RAPGEF6: variants seen among roughly 807,000 people sequenced by gnomAD.
RAPGEF6 encodes the protein Rap guanine nucleotide exchange factor 6.
Under a neutral mutation model 171.4 loss-of-function variants are expected in RAPGEF6, and 56 were observed. The observed-to-expected ratio is 0.33, with a 90% CI of 0.26 to 0.41. RAPGEF6 has a LOEUF of 0.41. Among genes scored for constraint, RAPGEF6 ranks in the 10% least tolerant of loss-of-function variants. RAPGEF6 has a pLI of 1.00. For synonymous variants in RAPGEF6, 692 were observed against 650.1 expected (o/e 1.06, Z -0.98); for missense variants, 1,674 against 1,921.4 (o/e 0.87, Z 2.41).
In RAPGEF6 at chr5:131,489,661, AG is replaced by A. The variant is rs1561505795; in HGVS notation, c.1732-8del. 1 of 1,458,938 alleles carries A rather than the reference AG, an allele frequency of 6.9e-7. No individual in the cohort carries two copies. The highest frequency in any genetic ancestry group is 9.4e-7 in the Non-Finnish European group (1 of 1,060,366). The allele number at this position is 1,458,938 out of a possible 1,614,324, so 90.4% of individuals were successfully genotyped here. A position where few individuals can be genotyped will look rare whatever the true frequency, so the allele number is the denominator to read the frequency against. On this transcript the variant is annotated splice_polypyrimidine_tract_variant and splice_region_variant and intron_variant, in intron 14 of 27. Transcript: ENST00000509018. ...GTCCATTTACTTCCATAATCTTAAA[AG>A]TATTTAAAAAATACAAATTAATACA...
rs372478003 is a variant in RAPGEF6, at chr5:131,548,003, T to C, written c.495+44A>G. 10 of 1,590,570 alleles carry C rather than the reference T, an allele frequency of 6.3e-6. No individual in the cohort carries two copies. In the African/African-American group the frequency reaches 1.1e-4, roughly 17 times the overall value. ...ACATGTAAATTAAAGATACTAGATATGAAAATTAAGGAAGATTCATGAAGT... is the reference window on the plus strand; with the variant it reads ...ACATGTAAATTAAAGATACTAGATACGAAAATTAAGGAAGATTCATGAAGT... On this transcript the variant is annotated intron_variant, in intron 6 of 27. Coordinates refer to ENST00000509018, the MANE Select transcript of RAPGEF6 (RefSeq NM_016340.6).
At chr5:131,538,736 C>T (rs1183447353) in intron 6 of RAPGEF6, among the ~76,000 whole-genome samples, 1 of 152,182 alleles carries the variant, frequency 6.6e-6, no homozygotes, top group African/African-American at 2.4e-5. Context: ...TCATTTCCTT[C>T]TTCATACTCT....
intron 24 of RAPGEF6, 72 bp from the exon 25 acceptor site, chr5:131,433,730 T>G: frequency 8.9e-7 from 1 of 1,120,792 alleles, no homozygotes; most frequent in South Asian, 1.4e-5. Flanking sequence ...GGGGAAAGGA[T>G]GAAAAAAAAA....
intron 9 of RAPGEF6, among the ~76,000 whole-genome samples, chr5:131,507,141 T>A (rs1266634216): frequency 6.8e-6 from 1 of 146,576 alleles, no homozygotes. Flanking sequence ...TTATGTCCAA[T>A]TTTTACTTAT....
chr5:131,552,006 GA>G lies in RAPGEF6; in HGVS notation c.352-3817del, dbSNP rs572365237. ...AGAATCCAAATGCCAAGAATGATGT[GA>G]AAGCAAGAATACTTGAACTTGGGAA... On this transcript the variant is annotated intron_variant, in intron 5 of 27. Coordinates refer to ENST00000509018, the MANE Select transcript of RAPGEF6 (RefSeq NM_016340.6). Among the ~76,000 whole-genome samples the G allele has an allele frequency of 3.7e-3, 568 of 152,204 alleles. 4 individuals are homozygous for G. Among genetic ancestry groups the G allele is most frequent in the African/African-American group, 0.013 (538 of 41,532 alleles).
At chr5:131,472,890 C>G in intron 16 of RAPGEF6, 146 bp from the exon 17 acceptor site, 1 of 658,574 alleles carries the variant, frequency 1.5e-6, no homozygotes, top group Non-Finnish European at 2.5e-6. Context: ...TTTTAAAAGA[C>G]AATTGTAATG....
At chr5:131,526,445 G>A (rs908433714) in intron 6 of RAPGEF6, among the ~76,000 whole-genome samples, 13 of 152,130 alleles carry the variant, frequency 8.5e-5, no homozygotes, top group African/African-American at 2.9e-4. Context: ...CTAGGAAACT[G>A]GGGTCCTGGG....
chr5:131,548,474 A>G (rs1300655040), intron 5 of RAPGEF6, among the ~76,000 whole-genome samples: 1 of 152,234 alleles, frequency 6.6e-6, no homozygotes, highest in Non-Finnish European at 1.5e-5. Flanking sequence ...GCTGTTAACT[A>G]CACCTACACA....
At chr5:131,453,029 A>G in intron 21 of RAPGEF6, 25 bp downstream of exon 21, 1 of 1,598,328 alleles carries the variant, frequency 6.3e-7, no homozygotes, top group Non-Finnish European at 8.5e-7. Context: ...CCACTCTAAC[A>G]CTTTTACATA....
intron 6 of RAPGEF6, among the ~76,000 whole-genome samples, chr5:131,537,210 A>C (rs1481647740): frequency 6.6e-6 from 1 of 152,146 alleles, no homozygotes; most frequent in African/African-American, 2.4e-5. Context: ...ATTACTCCAT[A>C]AAATATTTCA....
chr5:131,599,527 C>A (rs139908782), intron 3 of RAPGEF6, among the ~76,000 whole-genome samples: 2 of 152,102 alleles, frequency 1.3e-5, no homozygotes. Flanking sequence ...CCTACACACA[C>A]GGGGTCACTT....
intron 6 of RAPGEF6, chr5:131,532,170 G>C (rs966877693): frequency 1.3e-5 from 6 of 449,526 alleles, no homozygotes; most frequent in East Asian, 7.0e-5. Flanking sequence ...AGGCTGGAAA[G>C]GGTAGTTTCC....
At chr5:131,571,802 A>G (rs1762306389) in intron 4 of RAPGEF6, among the ~76,000 whole-genome samples, 1 of 152,212 alleles carries the variant, frequency 6.6e-6, no homozygotes. Context: ...CCATACTGGT[A>G]AGTCCTCTGA....
At chr5:131,590,292 C>T (rs1474734560) in intron 4 of RAPGEF6, among the ~76,000 whole-genome samples, 2 of 152,024 alleles carry the variant, frequency 1.3e-5, no homozygotes, top group Non-Finnish European at 1.5e-5. Context: ...CCCAGCTATT[C>T]GGAAGGCTAA....
At chr5:131,633,346 A>T (rs979730757) in intron 1 of RAPGEF6, among the ~76,000 whole-genome samples, 8 of 152,096 alleles carry the variant, frequency 5.3e-5, no homozygotes, top group African/African-American at 1.9e-4. Flanking sequence ...AAAAAAATAA[A>T]ATAGGCAATT....
intron 5 of RAPGEF6, among the ~76,000 whole-genome samples, chr5:131,557,033 T>C (rs1468148282): frequency 6.6e-6 from 1 of 152,150 alleles, no homozygotes; most frequent in Non-Finnish European, 1.5e-5. Context: ...CAGACAGGAA[T>C]AATTGGGACT....
At chr5:131,534,821 TCAAGAATAC>T (rs1010436325) in intron 6 of RAPGEF6, among the ~76,000 whole-genome samples, 53 of 152,116 alleles carry the variant, frequency 3.5e-4, no homozygotes, top group African/African-American at 1.2e-3. Flanking sequence ...GTAGCAAGAT[TCAAGAATAC>T]CAAGAATTTC....
chr5:131,596,165 A>G (rs1294312343), intron 3 of RAPGEF6, among the ~76,000 whole-genome samples: 1 of 151,026 alleles, frequency 6.6e-6, no homozygotes, highest in Non-Finnish European at 1.5e-5. Flanking sequence ...TAAAAAAAAA[A>G]AAAAAAGTTA....
At chr5:131,496,454 G>A (rs1231507996) in intron 12 of RAPGEF6, among the ~76,000 whole-genome samples, 1 of 151,964 alleles carries the variant, frequency 6.6e-6, no homozygotes, top group Non-Finnish European at 1.5e-5. Context: ...GTCTAGTTCT[G>A]AGTTCTGGAA....
Sources: allele counts gnomAD v4.1 joint callset (sites outside exome capture counted in the v4.1 genomes callset), GRCh38; gene constraint gnomAD v4.1.1; transcripts MANE v1.5; gene names NCBI Gene and HGNC (gene_info 2026-07-23, HGNC 2026-07-21).